Variants in MARCHF1 observed in about 807,000 individuals in gnomAD.
MARCHF1 encodes the protein membrane associated ring-CH-type finger 1, also known as E3 ubiquitin-protein ligase MARCHF1.
Under a neutral mutation model 54.2 loss-of-function variants are expected in MARCHF1, and 40 were observed. The ratio of observed to expected loss-of-function variants is 0.74; its 90% CI spans 0.57 to 0.96. The LOEUF is 0.96. MARCHF1 is among the 40% of genes least tolerant of loss of function. MARCHF1 has a pLI of 0.00. For missense variants in MARCHF1, 586 were observed against 656.5 expected, an observed-to-expected ratio of 0.89 and a Z score of 1.17; for synonymous variants, 236 against 236.3, an observed-to-expected ratio of 1.00 and a Z score of 0.01.
chr4:164,350,529 T>C (rs1245648959), intron 1 of MARCHF1, among the ~76,000 whole-genome samples: 1 of 152,120 alleles, frequency 6.6e-6, no homozygotes, highest in Non-Finnish European at 1.5e-5. Context: ...AAAGAAATAA[T>C]AAATGTTTGA....
At chr4:163,547,667 TTAAA>T (rs1738955188) in intron 8 of MARCHF1, among the ~76,000 whole-genome samples, 1 of 152,220 alleles carries the variant, frequency 6.6e-6, no homozygotes, top group Non-Finnish European at 1.5e-5. Flanking sequence ...GGTAAAAGAA[TTAAA>T]TAGATACTTC....
intron 1 of MARCHF1, among the ~76,000 whole-genome samples, chr4:164,223,938 C>T (rs1454371964): frequency 1.4e-5 from 2 of 147,888 alleles, no homozygotes; most frequent in Non-Finnish European, 3.0e-5. Flanking sequence ...TATTTATATC[C>T]AGGGCACCAT....
intron 3 of MARCHF1, among the ~76,000 whole-genome samples, chr4:163,947,377 T>C (rs899535407): frequency 1.3e-5 from 2 of 152,228 alleles, no homozygotes; most frequent in Non-Finnish European, 2.9e-5. Flanking sequence ...TTGTGAATAT[T>C]ATTCTTTTAT....
At chr4:163,930,738 T>C (rs908627723) in intron 3 of MARCHF1, among the ~76,000 whole-genome samples, 1 of 152,160 alleles carries the variant, frequency 6.6e-6, no homozygotes, top group African/African-American at 2.4e-5. Flanking sequence ...CATCCTTGTA[T>C]GATTTAGATG....
chr4:164,343,763 TATACATTGCTG>T (rs1365481912), intron 1 of MARCHF1, among the ~76,000 whole-genome samples: 3 of 152,280 alleles, frequency 2.0e-5, no homozygotes, highest in East Asian at 3.9e-4. Flanking sequence ...TGGAAACACT[TATACATTGCTG>T]ATGGAAATGT....
chr4:163,816,867 C>G (rs981829341), intron 4 of MARCHF1, among the ~76,000 whole-genome samples: 1 of 152,048 alleles, frequency 6.6e-6, no homozygotes, highest in Admixed American at 6.6e-5. Flanking sequence ...TCACTCCCCC[C>G]GCTGTGCCCC....
intron 5 of MARCHF1, among the ~76,000 whole-genome samples, chr4:163,691,686 A>T (rs1166956720): frequency 6.6e-6 from 1 of 152,144 alleles, no homozygotes; most frequent in African/African-American, 2.4e-5. Flanking sequence ...GTTTCCTACA[A>T]ACTGTAACCA....
At chr4:164,125,582 C>T (rs1042905862) in intron 1 of MARCHF1, among the ~76,000 whole-genome samples, 1 of 152,158 alleles carries the variant, frequency 6.6e-6, no homozygotes, top group Non-Finnish European at 1.5e-5. Context: ...ATTCCAACTG[C>T]CTGGTACAAA....
chr4:163,688,121 G>C (rs1384968961), intron 5 of MARCHF1, among the ~76,000 whole-genome samples: 1 of 151,814 alleles, frequency 6.6e-6, no homozygotes, highest in East Asian at 1.9e-4. Context: ...AAAATAGGGG[G>C]TGATAAACCA....
At chr4:164,287,979 C>A (rs953533735) in intron 1 of MARCHF1, among the ~76,000 whole-genome samples, 2 of 152,088 alleles carry the variant, frequency 1.3e-5, no homozygotes, top group Non-Finnish European at 2.9e-5. Flanking sequence ...TTAACATAAA[C>A]TGGCCCAGAA....
rs116131519 is a variant in MARCHF1, at chr4:164,214,879, G to A, written c.-322-103217C>T. On this transcript the variant is annotated intron_variant, in intron 1 of 9. Transcript: ENST00000514618. Reference sequence around the variant, plus strand: ...AAATTGAAACGGGAAAAGTTCCCTTGTCCCCCTTGCAGGGCGTGCGATGGG... The same window carrying A: ...AAATTGAAACGGGAAAAGTTCCCTTATCCCCCTTGCAGGGCGTGCGATGGG... 9.5e-3 allele frequency among the ~76,000 whole-genome samples: 1,446 copies of A among 152,058 alleles called. 11 individuals are homozygous for A. The highest frequency in any genetic ancestry group is 0.016 in the Non-Finnish European group (1,078 of 67,978).
intron 1 of MARCHF1, among the ~76,000 whole-genome samples, chr4:164,129,483 T>C (rs577259432): frequency 2.4e-4 from 37 of 152,090 alleles, no homozygotes; most frequent in Admixed American, 6.6e-4. Flanking sequence ...TTCCTTCCAA[T>C]TTTAATGCTG....
intron 5 of MARCHF1, among the ~76,000 whole-genome samples, chr4:163,616,122 A>T (rs988418246): frequency 1.3e-5 from 2 of 152,194 alleles, no homozygotes; most frequent in African/African-American, 4.8e-5. Context: ...TATTAGGAAA[A>T]ACATGGAGAA....
chr4:163,992,406 A>G (rs1201882717), intron 2 of MARCHF1, among the ~76,000 whole-genome samples: 1 of 152,110 alleles, frequency 6.6e-6, no homozygotes, highest in Non-Finnish European at 1.5e-5. Context: ...GAAAGACAAT[A>G]TAGAATAATG....
chr4:163,861,756 C>G (rs1278967888), intron 3 of MARCHF1, among the ~76,000 whole-genome samples: 1 of 151,944 alleles, frequency 6.6e-6, no homozygotes, highest in Non-Finnish European at 1.5e-5. Flanking sequence ...AGGCAAAATA[C>G]CTACACTAGT....
intron 3 of MARCHF1, among the ~76,000 whole-genome samples, chr4:163,946,480 T>A (rs1484986447): frequency 1.3e-5 from 2 of 152,180 alleles, no homozygotes; most frequent in Non-Finnish European, 2.9e-5. Context: ...TTTGCACCTA[T>A]CCAACACACC....
intron 1 of MARCHF1, among the ~76,000 whole-genome samples, chr4:164,355,951 C>T (rs1226900162): frequency 9.0e-5 from 11 of 122,084 alleles, no homozygotes; most frequent in South Asian, 5.2e-4. Flanking sequence ...AAAAAGTGGG[C>T]GAAGGACATG....
intron 3 of MARCHF1, among the ~76,000 whole-genome samples, chr4:163,925,649 C>A (rs367894933): frequency 6.6e-6 from 1 of 151,368 alleles, no homozygotes; most frequent in Non-Finnish European, 1.5e-5. Context: ...AATTTTGGTA[C>A]GAAAATAGAA....
intron 3 of MARCHF1, among the ~76,000 whole-genome samples, chr4:163,873,299 T>A (rs963260078): frequency 6.6e-6 from 1 of 152,216 alleles, no homozygotes; most frequent in Non-Finnish European, 1.5e-5. Flanking sequence ...GGACCAAGTT[T>A]AAGTATTCAA....
Sources: allele counts gnomAD v4.1 joint callset (sites outside exome capture counted in the v4.1 genomes callset), GRCh38; gene constraint gnomAD v4.1.1; transcripts MANE v1.5; gene names NCBI Gene and HGNC (gene_info 2026-07-23, HGNC 2026-07-21).